The following LYPD6B variants were observed in gnomAD, a reference collection of about 807,000 sequenced individuals.
LYPD6B encodes the protein LY6/PLAUR domain containing 6B, also known as ly6/PLAUR domain-containing protein 6B.
Under a neutral mutation model 22.8 loss-of-function variants are expected in LYPD6B, and 17 were observed. The observed-to-expected ratio is 0.75, with a 90% CI of 0.51 to 1.12. LYPD6B has a LOEUF of 1.12. Among genes scored for constraint, LYPD6B ranks in the 50% most tolerant of loss-of-function variants. The probability of loss-of-function intolerance (pLI) is 0.00; values close to 1 mark genes in which losing one functional copy is unlikely to be tolerated. For missense variants in LYPD6B, 221 were observed against 258.3 expected, an observed-to-expected ratio of 0.86 and a Z score of 0.99; for synonymous variants, 106 against 91.6, an observed-to-expected ratio of 1.16 and a Z score of -0.90.
At chr2:149,039,747 A>G (rs953388172) in intron 1 of LYPD6B, among the ~76,000 whole-genome samples, 7 of 152,084 alleles carry the variant, frequency 4.6e-5, no homozygotes, top group Non-Finnish European at 1.0e-4. Flanking sequence ...TGACTTGTTC[A>G]TGGTTAGGCT....
intron 3 of LYPD6B, among the ~76,000 whole-genome samples, chr2:149,202,413 C>A (rs1403593980): frequency 2.0e-5 from 3 of 152,088 alleles, no homozygotes; most frequent in Non-Finnish European, 4.4e-5. Flanking sequence ...CATCTTAGGA[C>A]CTTGGTTACT....
At position 149,075,987 on chromosome 2, in the gene LYPD6B, C is replaced by T. The variant is rs1181283722; in HGVS notation, c.-67+37186C>T. Reference sequence around the variant, plus strand: ...TACGGCTGATGAGGCAGGAGGCTGACGGAGTTTGAGGCCAATCTAGGAGAG... The same window carrying T: ...TACGGCTGATGAGGCAGGAGGCTGATGGAGTTTGAGGCCAATCTAGGAGAG... On this transcript the variant is annotated intron_variant, in intron 1 of 6. Transcript: ENST00000409642. Among the ~76,000 whole-genome samples the T allele has an allele frequency of 5.3e-5, 8 of 152,200 alleles. No homozygotes were observed. The East Asian group carries it at 1.2e-3, about 22-fold the overall frequency.
intron 1 of LYPD6B, among the ~76,000 whole-genome samples, chr2:149,096,723 G>A (rs1685918132): frequency 6.6e-6 from 1 of 152,068 alleles, no homozygotes; most frequent in Non-Finnish European, 1.5e-5. Context: ...TTTTTCCTAA[G>A]CTTACTTTCT....
At chr2:149,134,016 G>A (rs1342268711) in intron 2 of LYPD6B, among the ~76,000 whole-genome samples, 1 of 152,062 alleles carries the variant, frequency 6.6e-6, no homozygotes, top group Non-Finnish European at 1.5e-5. Context: ...AGGAAGGTTA[G>A]GAAGAAGGAA....
intron 3 of LYPD6B, among the ~76,000 whole-genome samples, chr2:149,194,266 C>T (rs1438332018): frequency 6.6e-6 from 1 of 152,098 alleles, no homozygotes; most frequent in Non-Finnish European, 1.5e-5. Context: ...AGTAAAGAGG[C>T]TACTCTTTAT....
At chr2:149,078,196 C>T (rs1390838742) in intron 1 of LYPD6B, among the ~76,000 whole-genome samples, 3 of 152,182 alleles carry the variant, frequency 2.0e-5, no homozygotes, top group Non-Finnish European at 4.4e-5. Context: ...GCAGAAGAAA[C>T]GCCGCCATCA....
chr2:149,039,504 T>C (rs1346135646), intron 1 of LYPD6B, among the ~76,000 whole-genome samples: 1 of 152,190 alleles, frequency 6.6e-6, no homozygotes, highest in Non-Finnish European at 1.5e-5. Context: ...GTGGGAAAAG[T>C]CTAGAATGCT....
intron 1 of LYPD6B, among the ~76,000 whole-genome samples, chr2:149,072,482 TTTTTATTTTATTTTA>T (rs59980462): frequency 0.011 from 1,415 of 129,908 alleles, 22 homozygotes; most frequent in African/African-American, 0.037. Context: ...AGGGTGGTTA[TTTTTATTTTATTTTA>T]TTTTATTTTA....
At chr2:149,120,630 G>A (rs1405596580) in intron 1 of LYPD6B, among the ~76,000 whole-genome samples, 2 of 149,462 alleles carry the variant, frequency 1.3e-5, no homozygotes, top group Admixed American at 6.7e-5. Context: ...TGATCCGCCC[G>A]CCTCAGCCTC....
intron 1 of LYPD6B, among the ~76,000 whole-genome samples, chr2:149,116,949 G>T (rs1687035306): frequency 6.6e-6 from 1 of 152,100 alleles, no homozygotes; most frequent in African/African-American, 2.4e-5. Flanking sequence ...AGTAGCCACT[G>T]CTTGGTCTCC....
At chr2:149,173,753 T>G (rs757386261) in intron 3 of LYPD6B, among the ~76,000 whole-genome samples, 1 of 152,190 alleles carries the variant, frequency 6.6e-6, no homozygotes, top group Non-Finnish European at 1.5e-5. Context: ...ACCTAACTAA[T>G]CACTTCCTTT....
chr2:149,111,940 T>C (rs541327236), intron 1 of LYPD6B, among the ~76,000 whole-genome samples: 1 of 152,326 alleles, frequency 6.6e-6, no homozygotes, highest in African/African-American at 2.4e-5. Context: ...GGATGTGATA[T>C]ACTATGTCAA....
intron 1 of LYPD6B, among the ~76,000 whole-genome samples, chr2:149,050,803 G>C (rs1683515778): frequency 6.6e-6 from 1 of 152,196 alleles, no homozygotes; most frequent in African/African-American, 2.4e-5. Flanking sequence ...GAAGCCCGGA[G>C]CTACAGTTGT....
chr2:149,076,006 A>G (rs1228639381), intron 1 of LYPD6B, among the ~76,000 whole-genome samples: 5 of 152,174 alleles, frequency 3.3e-5, no homozygotes, highest in Non-Finnish European at 5.9e-5. Flanking sequence ...AGGCCAATCT[A>G]GGAGAGAGGG....
chr2:149,047,564 AGTGT>A (rs60755138), intron 1 of LYPD6B, among the ~76,000 whole-genome samples: 1 of 149,092 alleles, frequency 6.7e-6, no homozygotes, highest in Non-Finnish European at 1.5e-5. Flanking sequence ...TATGCCTGGG[AGTGT>A]GTGTGTGTGT....
chr2:149,124,231 C>T (rs912309192), intron 1 of LYPD6B, among the ~76,000 whole-genome samples: 4 of 152,272 alleles, frequency 2.6e-5, no homozygotes, highest in African/African-American at 9.6e-5. Flanking sequence ...AAATACAACA[C>T]TTCTTGGGGG....
intron 1 of LYPD6B, among the ~76,000 whole-genome samples, chr2:149,108,596 G>A (rs988805945): frequency 6.6e-6 from 1 of 152,116 alleles, no homozygotes; most frequent in Admixed American, 6.6e-5. Flanking sequence ...TACGTTTAAA[G>A]TGTGTTTCCT....
intron 1 of LYPD6B, among the ~76,000 whole-genome samples, chr2:149,121,482 C>T (rs1179940092): frequency 6.6e-6 from 1 of 152,138 alleles, no homozygotes; most frequent in African/African-American, 2.4e-5. Flanking sequence ...CCCAGCAGAA[C>T]ACAGAATTCA....
rs890795627 is a variant in LYPD6B, at chr2:149,215,226, TG to T, written c.*522del. ...TAATATGAAATCTATTTGCAAATTATGGGGGGAAATAAAGCTTTTAAATTAT... is the reference window on the plus strand; with the variant it reads ...TAATATGAAATCTATTTGCAAATTATGGGGGAAATAAAGCTTTTAAATTAT... On this transcript the variant is annotated 3_prime_UTR_variant, in exon 7 of 7. Transcript: ENST00000409642. 6.4e-6 allele frequency: 1 copy of T among 155,252 alleles called. No individual in the cohort carries two copies. The highest frequency in any genetic ancestry group is 2.4e-5 in the African/African-American group (1 of 41,470). The allele number at this position is 155,252 out of a possible 1,614,324, so 9.6% of individuals were successfully genotyped here.
Sources: gnomAD v4.1 joint callset for allele counts (sites outside exome capture counted in the v4.1 genomes callset) on GRCh38, gnomAD v4.1.1 for gene constraint, MANE v1.5 for transcripts, NCBI Gene and HGNC (gene_info 2026-07-23, HGNC 2026-07-21) for gene names.